Variants in NUBP1 observed in about 807,000 individuals in gnomAD.
NUBP1 encodes cytosolic Fe-S cluster assembly factor NUBP1.
A neutral mutation model predicts 41.8 loss-of-function variants in NUBP1; 46 were observed. That is an observed-to-expected ratio of 1.10 (90% confidence interval 0.87 to 1.41). NUBP1 has a LOEUF of 1.41. Among genes scored for constraint, NUBP1 ranks in the 40% most tolerant of loss-of-function variants. The pLI, the probability that NUBP1 is intolerant of heterozygous loss-of-function variation, is 0.00. For synonymous variants in NUBP1, 189 were observed against 154.6 expected (o/e 1.22, Z -1.65); for missense variants, 494 against 414.0 (o/e 1.19, Z -1.68).
chr16:10,768,159 G>A lies in NUBP1; in HGVS notation c.904+127G>A, dbSNP rs1000986273. 4.0e-5 allele frequency: 30 copies of A among 743,268 alleles called. No individual in the cohort carries two copies. The Admixed American group carries it at 4.1e-4, about 10-fold the overall frequency. The allele number at this position is 743,268 out of a possible 1,614,324, so 46.0% of individuals were successfully genotyped here. A position where few individuals can be genotyped will look rare whatever the true frequency, so the allele number is the denominator to read the frequency against. On this transcript the variant is annotated intron_variant, in intron 10 of 10. Transcript: ENST00000283027. This position sits in a 1 kb window ranked among gnomAD's most constrained non-coding sequence, Gnocchi z 4.3. Reference sequence around the variant, plus strand: ...TGACCACAGAGTGGCCCCCATAGCCGAGGAAGCCAGGAGTCCATGAGAAAT... The same window carrying A: ...TGACCACAGAGTGGCCCCCATAGCCAAGGAAGCCAGGAGTCCATGAGAAAT...
At chr16:10,747,937 C>G (rs2142665706) in intron 3 of NUBP1, among the ~76,000 whole-genome samples, 1 of 152,272 alleles carries the variant, frequency 6.6e-6, no homozygotes, top group East Asian at 1.9e-4. Context: ...TAAGAATGTT[C>G]ACATTTTTGA....
Position 10,768,985 on chromosome 16 carries a change from G to A in NUBP1, c.905-62G>A, listed in dbSNP as rs1283812389. The stretch of plus-strand genomic sequence containing the variant: ...CAAAACACAGCCCTCCCCAGCACAG[G>A]ACAGGGCTGTCAAGGGGTAGACAAG... On this transcript the variant is annotated intron_variant, in intron 10 of 10. Transcript: ENST00000283027. This position sits in a 1 kb window ranked among gnomAD's most constrained non-coding sequence, Gnocchi z 4.3. 3 of 1,479,790 alleles carry A rather than the reference G, an allele frequency of 2.0e-6. No homozygotes were observed. Among genetic ancestry groups the A allele is most frequent in the Non-Finnish European group, 2.8e-6 (3 of 1,058,216 alleles). The allele number at this position is 1,479,790 out of a possible 1,614,324, so 91.7% of individuals were successfully genotyped here.
chr16:10,761,417 G>A lies in NUBP1; in HGVS notation c.660G>A (p.Lys220=). 1.2e-6 allele frequency: 2 copies of A among 1,614,170 alleles called. No individual in the cohort carries two copies. Among genetic ancestry groups the A allele is most frequent in the Non-Finnish European group, 1.7e-6 (2 of 1,180,012 alleles). The change falls in exon 8 of 11, where the codon AAG becomes AAA. Residue 220 remains lysine (K), a synonymous_variant. Coordinates refer to ENST00000283027, the MANE Select transcript of NUBP1 (RefSeq NM_002484.4). ...AAATCAACTTCTGCCGCAAGGTGAA[G>A]CTGCCCATCATCGGGGTGGTGGAGA... is the stretch of plus-strand genomic sequence containing the variant. ...RKEINFCRKV[K]LPIIGVVENM...
rs577313341 is a variant in NUBP1, at chr16:10,762,709, A to T, written c.820+850A>T. On this transcript the variant is annotated intron_variant, in intron 9 of 10. Coordinates refer to ENST00000283027, the MANE Select transcript of NUBP1 (RefSeq NM_002484.4). ...ACCCATGCCTCGGAACTTCCACTCC[A>T]TTTGTCAGGGAACCAAGGCCAGTGT... 3.3e-5 allele frequency among the ~76,000 whole-genome samples: 5 copies of T among 152,026 alleles called. No homozygotes were observed. In the East Asian group the frequency reaches 9.7e-4, roughly 30 times the overall value.
At chr16:10,752,338 C>T (rs760997131) in intron 3 of NUBP1, among the ~76,000 whole-genome samples, 8 of 152,122 alleles carry the variant, frequency 5.3e-5, no homozygotes, top group African/African-American at 9.7e-5. Flanking sequence ...GGTCTGAGCC[C>T]GAGCCTCCAA....
chr16:10,755,865 A>G, intron 5 of NUBP1, 112 bp downstream of exon 5: 2 of 988,434 alleles, frequency 2.0e-6, no homozygotes, highest in Non-Finnish European at 3.1e-6. Context: ...TTCGAGGCAC[A>G]GAGGATGTGA....
chr16:10,751,047 G>A (rs983367709), intron 3 of NUBP1, among the ~76,000 whole-genome samples: 3 of 152,162 alleles, frequency 2.0e-5, no homozygotes, highest in African/African-American at 7.2e-5. Context: ...CAGGACCCAG[G>A]GCCGTCCTGG....
At chr16:10,762,995 G>A (rs2030236410) in intron 9 of NUBP1, among the ~76,000 whole-genome samples, 2 of 152,142 alleles carry the variant, frequency 1.3e-5, no homozygotes, top group African/African-American at 4.8e-5. Context: ...TCAGGATGAG[G>A]CCCTGGGTTC....
chr16:10,751,673 T>C (rs886356705), intron 3 of NUBP1, among the ~76,000 whole-genome samples: 7 of 152,176 alleles, frequency 4.6e-5, no homozygotes, highest in African/African-American at 1.7e-4. Context: ...AGGGGAAGGC[T>C]TGGGGTGGAA....
intron 3 of NUBP1, among the ~76,000 whole-genome samples, chr16:10,751,270 T>C (rs1900301861): frequency 6.6e-6 from 1 of 152,116 alleles, no homozygotes; most frequent in African/African-American, 2.4e-5. Context: ...TCGAGGAAAG[T>C]CTCTATCACA....
Position 10,766,018 on chromosome 16 carries a change from CAG to C in NUBP1, c.821-1928_821-1927del, listed in dbSNP as rs1244815762. The stretch of plus-strand genomic sequence containing the variant: ...ACGCATCTGGCAAGGTCACTGGGGA[CAG>C]AGTGGGGGAAAACCCACCTTCCTAG... On this transcript the variant is annotated intron_variant, in intron 9 of 10. Transcript: ENST00000283027. This position sits in a 1 kb window ranked among gnomAD's most constrained non-coding sequence, Gnocchi z 4.8. 2 of 152,504 alleles carry C rather than the reference CAG, an allele frequency of 1.3e-5. No individual in the cohort carries two copies. Among genetic ancestry groups the C allele is most frequent in the African/African-American group, 4.8e-5 (2 of 41,582 alleles). 9.4% of individuals were successfully genotyped at this position (152,504 alleles called of 1,614,324 possible). A position where few individuals can be genotyped will look rare whatever the true frequency, so the allele number is the denominator to read the frequency against.
At chr16:10,756,893 T>A (rs1900596967) in intron 6 of NUBP1, 113 bp downstream of exon 6, 3 of 769,708 alleles carry the variant, frequency 3.9e-6, no homozygotes, top group South Asian at 1.9e-5. Context: ...CACAGTATAT[T>A]ATTTTTAACC....
chr16:10,756,821 C>T lies in NUBP1; in HGVS notation c.451+41C>T, dbSNP rs370791430. On this transcript the variant is annotated intron_variant, in intron 6 of 10. Transcript: ENST00000283027. ...TTTTTTTGTCTCTCACATTCTTCCA[C>T]GAGCGTTGTGGCTCTTGGCTTTATC... 1.2e-3 allele frequency: 1,789 copies of T among 1,525,076 alleles called. 3 individuals are homozygous for T. The highest frequency in any genetic ancestry group is 1.5e-3 in the Non-Finnish European group (1,687 of 1,117,858). 94.5% of individuals were successfully genotyped at this position (1,525,076 alleles called of 1,614,324 possible). A position where few individuals can be genotyped will look rare whatever the true frequency, so the allele number is the denominator to read the frequency against.
At chr16:10,751,766 G>C (rs958565556) in intron 3 of NUBP1, among the ~76,000 whole-genome samples, 1 of 152,190 alleles carries the variant, frequency 6.6e-6, no homozygotes, top group African/African-American at 2.4e-5. Context: ...TGTTCTGTAA[G>C]TTTAGCCTAA....
At chr16:10,761,672 T>A in intron 8 of NUBP1, 85 bp from the exon 9 acceptor site, 1 of 1,167,910 alleles carries the variant, frequency 8.6e-7, no homozygotes, top group South Asian at 1.5e-5. Context: ...GCCTTTTTTT[T>A]TTTTTTAAGT....
Position 10,761,855 on chromosome 16 carries a change from C to T in NUBP1, c.816C>T (p.Leu272=), listed in dbSNP as rs776944395. The T allele has an allele frequency of 1.9e-6, 3 of 1,613,054 alleles. No homozygotes were observed. Among genetic ancestry groups the T allele is most frequent in the East Asian group, 2.2e-5 (1 of 44,860 alleles). Residue 272 remains leucine, a synonymous_variant, in exon 9 of 11, where the codon CTC becomes CTT. Coordinates refer to ENST00000283027, the MANE Select transcript of NUBP1 (RefSeq NM_002484.4). ...PLLGRVPLDP[L]IGKNCDKGQS... ...TCGGCAGAGTGCCCCTGGATCCGCT[C>T]ATAGGTGGGTGACCCCAGTGTGGGG...
chr16:10,764,020 G>A (rs2030442523), intron 9 of NUBP1, among the ~76,000 whole-genome samples: 1 of 152,080 alleles, frequency 6.6e-6, no homozygotes, highest in Admixed American at 6.5e-5. Flanking sequence ...GCCCACAGGA[G>A]TACCTCAGCC....
chr16:10,755,232 T>G (rs1900497386), intron 4 of NUBP1, among the ~76,000 whole-genome samples: 1 of 152,176 alleles, frequency 6.6e-6, no homozygotes, highest in African/African-American at 2.4e-5. Flanking sequence ...GGACACCTGC[T>G]GGGGGGAAGA....
At chr16:10,764,972 G>A in intron 9 of NUBP1, 1 of 171,018 alleles carries the variant, frequency 5.8e-6, no homozygotes, top group South Asian at 9.9e-5. Flanking sequence ...AGCCACCAGG[G>A]CATTCCTGAG....
Sources: allele counts gnomAD v4.1 joint callset (sites outside exome capture counted in the v4.1 genomes callset), GRCh38; gene constraint gnomAD v4.1.1; non-coding constraint Gnocchi (gnomAD v3.1); transcripts MANE v1.5; gene names NCBI Gene and HGNC (gene_info 2026-07-23, HGNC 2026-07-21).